The following SLC38A8 variants were observed in gnomAD, a reference collection of about 807,000 sequenced individuals.
The protein encoded by SLC38A8 is solute carrier family 38 member 8.
SLC38A8 carries 65 observed loss-of-function variants against 46.0 expected under a neutral mutation model. The observed-to-expected ratio is 1.41, with a 90% CI of 1.16 to 1.74. The LOEUF (loss-of-function observed/expected upper bound fraction) is 1.74. SLC38A8 is among the 40% of genes most tolerant of loss of function. The pLI is 0.00. For synonymous variants in SLC38A8, 447 were observed against 243.7 expected, an observed-to-expected ratio of 1.83 and a Z score of -7.77; for missense variants, 998 against 567.9, an observed-to-expected ratio of 1.76 and a Z score of -7.70.
intron 2 of SLC38A8, among the ~76,000 whole-genome samples, chr16:84,039,073 G>A (rs11640130): frequency 0.3 from 45,365 of 151,954 alleles, 7,281 homozygotes; most frequent in African/African-American, 0.42. Flanking sequence ...AACCCATTGA[G>A]GTATGTCCTT....
intron 7 of SLC38A8, among the ~76,000 whole-genome samples, chr16:84,019,669 T>C (rs2085072931): frequency 6.6e-6 from 1 of 152,208 alleles, no homozygotes; most frequent in Admixed American, 6.5e-5. Context: ...AAAGTCTTCA[T>C]TCGCTCCAGC....
In SLC38A8 at chr16:84,039,471, A is replaced by G. The variant is rs534669564; in HGVS notation, c.189+2498T>C. On this transcript the variant is annotated intron_variant, in intron 2 of 10. Coordinates refer to ENST00000299709, the MANE Select transcript of SLC38A8 (RefSeq NM_001080442.3). ...TGGTTGAAAGGCAGGGGGGCCGGGTACGGTGGCTCATGGCTGTAATCCCAG... is the reference window on the plus strand; with the variant it reads ...TGGTTGAAAGGCAGGGGGGCCGGGTGCGGTGGCTCATGGCTGTAATCCCAG... Among the ~76,000 whole-genome samples, 9 of 152,234 alleles carry G rather than the reference A, an allele frequency of 5.9e-5. No individual in the cohort carries two copies. In the South Asian group the frequency reaches 1.9e-3, roughly 32 times the overall value.
In SLC38A8 at chr16:84,029,536, G is replaced by A. The variant is rs765870079; in HGVS notation, c.648C>T (p.Thr216=). Residue 216 remains threonine, a synonymous_variant, in exon 6 of 11, where the codon ACC becomes ACT. Coordinates refer to ENST00000299709, the MANE Select transcript of SLC38A8 (RefSeq NM_001080442.3). ...TGGTGGGGAAGACACTGAACACAGA[G>A]GTCCAGGAGGCAGGGCTGTAAACAG... The part of the protein sequence containing the change: ...SHPSLSPASW[T]SVFSVFPTIC... 1.1e-5 allele frequency: 17 copies of A among 1,614,016 alleles called. No individual in the cohort carries two copies. Among genetic ancestry groups the A allele is most frequent in the African/African-American group, 9.3e-5 (7 of 74,934 alleles).
rs1357212332 is a variant in SLC38A8, at chr16:84,037,013, G to A, written c.190-113C>T. The A allele has an allele frequency of 4.5e-6, 5 of 1,104,484 alleles. No homozygotes were observed. In the African/African-American group the frequency reaches 4.7e-5, roughly 10 times the overall value. 68.4% of individuals were successfully genotyped at this position (1,104,484 alleles called of 1,614,324 possible). A position where few individuals can be genotyped will look rare whatever the true frequency, so the allele number is the denominator to read the frequency against. On this transcript the variant is annotated intron_variant, in intron 2 of 10. Coordinates refer to ENST00000299709, the MANE Select transcript of SLC38A8 (RefSeq NM_001080442.3). ...TGGCTTCTCATCCACAGAGGCCAGG[G>A]CTGCTGCCAACATGGGGTTGGCAGT...
At position 84,013,117 on chromosome 16, in the gene SLC38A8, G is replaced by C. The variant is rs888964877; in HGVS notation, c.1163-65C>G. On this transcript the variant is annotated intron_variant, in intron 9 of 10. Transcript: ENST00000299709. ...AAACCCAAAGCAACAAAAAGGTCCC[G>C]GGAGAGGTCCTCAGGGACCCAGGAG... The C allele has an allele frequency of 2.3e-5, 36 of 1,594,734 alleles. No individual in the cohort carries two copies. In the South Asian group the frequency reaches 4.0e-4, roughly 18 times the overall value.
intron 7 of SLC38A8, among the ~76,000 whole-genome samples, chr16:84,018,174 G>A (rs1007300904): frequency 6.6e-6 from 1 of 151,460 alleles, no homozygotes; most frequent in South Asian, 2.1e-4. Flanking sequence ...CTTCAGAGGT[G>A]GCATAGGGCA....
intron 5 of SLC38A8, among the ~76,000 whole-genome samples, chr16:84,030,810 G>A (rs1050018164): frequency 6.6e-6 from 1 of 152,084 alleles, no homozygotes; most frequent in African/African-American, 2.4e-5. Flanking sequence ...ACATCAGAAG[G>A]GTACACTGAG....
intron 9 of SLC38A8, among the ~76,000 whole-genome samples, chr16:84,015,094 G>T (rs759384186): frequency 1.3e-5 from 2 of 152,126 alleles, no homozygotes; most frequent in Non-Finnish European, 2.9e-5. Flanking sequence ...CCCCAAGCTC[G>T]ATGTCTGTTT....
intron 10 of SLC38A8, among the ~76,000 whole-genome samples, chr16:84,010,183 G>A (rs377280346): frequency 2.7e-5 from 4 of 147,482 alleles, no homozygotes; most frequent in African/African-American, 7.6e-5. Flanking sequence ...CAATTCTCCT[G>A]CCTCAGCCTC....
Position 84,022,555 on chromosome 16 carries a change from G to T in SLC38A8, c.805+220C>A, listed in dbSNP as rs573265172. The stretch of plus-strand genomic sequence containing the variant: ...TTCAGGTCTCAGCTTTGCAGATCTA[G>T]CTGTGAAACCTCGAACAAGTTCTGG... On this transcript the variant is annotated intron_variant, in intron 7 of 10. Coordinates refer to ENST00000299709, the MANE Select transcript of SLC38A8 (RefSeq NM_001080442.3). Among the ~76,000 whole-genome samples the T allele has an allele frequency of 6.6e-4, 100 of 152,310 alleles. 1 individual carries two copies. Among genetic ancestry groups the T allele is most frequent in the African/African-American group, 2.4e-3 (98 of 41,572 alleles).
Position 84,016,621 on chromosome 16 carries a change from A to C in SLC38A8, c.1060T>G (p.Trp354Gly). 1 of 1,613,968 alleles carries C rather than the reference A, an allele frequency of 6.2e-7. No homozygotes were observed. Among genetic ancestry groups the C allele is most frequent in the Non-Finnish European group, 8.5e-7 (1 of 1,180,036 alleles). The change falls in exon 9 of 11, where the codon TGG becomes GGG. Residue 354 changes from tryptophan to glycine, a missense_variant. Transcript: ENST00000299709. Reference sequence around the variant, plus strand: ...GCCATGGCGAGCGTCACGGTGACCCACAGGATGGTCAGCGGCATCCGGACC... The same window carrying C: ...GCCATGGCGAGCGTCACGGTGACCCCCAGGATGGTCAGCGGCATCCGGACC... The part of the protein sequence containing the change: ...LWVRMPLTIL[W>G]VTVTLAMALF...
At chr16:84,022,717 A>C in intron 7 of SLC38A8, 58 bp downstream of exon 7, 1 of 1,273,980 alleles carries the variant, frequency 7.8e-7, no homozygotes, top group East Asian at 2.3e-5. Flanking sequence ...ACTCGCTGTT[A>C]CTCTTGTTTC....
At chr16:84,011,102 A>G (rs1374899259) in intron 10 of SLC38A8, among the ~76,000 whole-genome samples, 2 of 152,250 alleles carry the variant, frequency 1.3e-5, no homozygotes, top group Non-Finnish European at 2.9e-5. Flanking sequence ...TTTCTAACCG[A>G]GCAGCATCTC....
At chr16:84,042,298 C>G (rs984898259) in intron 1 of SLC38A8, 139 bp from the exon 2 acceptor site, 2 of 890,440 alleles carry the variant, frequency 2.2e-6, no homozygotes, top group Non-Finnish European at 1.7e-6. Context: ...TCAGCTCCCC[C>G]TTTCCAAAGG....
intron 9 of SLC38A8, among the ~76,000 whole-genome samples, chr16:84,015,423 G>C (rs1331625021): frequency 6.6e-6 from 1 of 152,096 alleles, no homozygotes; most frequent in East Asian, 1.9e-4. Flanking sequence ...AGGGAAGGGA[G>C]ACATTTGCAG....
chr16:84,023,230 T>C (rs2085116504), intron 6 of SLC38A8, among the ~76,000 whole-genome samples: 1 of 151,502 alleles, frequency 6.6e-6, no homozygotes, highest in African/African-American at 2.4e-5. Flanking sequence ...CCACCTTATC[T>C]AAAAAAAAGT....
chr16:84,031,782 A>C (rs1426935376), intron 5 of SLC38A8, 85 bp downstream of exon 5: 1 of 1,152,094 alleles, frequency 8.7e-7, no homozygotes, highest in African/African-American at 1.5e-5. Context: ...GAGCCACGAG[A>C]GGCTCCTCCT....
chr16:84,017,368 T>C lies in SLC38A8; in HGVS notation c.806-81A>G, dbSNP rs542208651. ...CCCCCACCAACAGACAGACAGCGCC[T>C]GGCTTTACCACCTAAGATTTTCCTT... On this transcript the variant is annotated intron_variant, in intron 7 of 10. Transcript: ENST00000299709. 7.2e-6 allele frequency: 11 copies of C among 1,519,296 alleles called. No individual in the cohort carries two copies. In the African/African-American group the frequency reaches 1.2e-4, roughly 17 times the overall value. The allele number at this position is 1,519,296 out of a possible 1,614,324, so 94.1% of individuals were successfully genotyped here.
rs192925749 is a variant in SLC38A8, at chr16:84,037,109, C to A, written c.190-209G>T. Among the ~76,000 whole-genome samples, 155 of 152,352 alleles carry A rather than the reference C, an allele frequency of 1.0e-3. 1 individual carries two copies. Among genetic ancestry groups the A allele is most frequent in the African/African-American group, 3.4e-3 (142 of 41,578 alleles). ...CCTGAAATCAGAGCTGCAGTGCAGG[C>A]TGATTCTGGCAGGCTCACTGGCTCT... On this transcript the variant is annotated intron_variant, in intron 2 of 10. Coordinates refer to ENST00000299709, the MANE Select transcript of SLC38A8 (RefSeq NM_001080442.3).
Sources: allele counts gnomAD v4.1 joint callset (sites outside exome capture counted in the v4.1 genomes callset), GRCh38; gene constraint gnomAD v4.1.1; transcripts MANE v1.5; gene names NCBI Gene and HGNC (gene_info 2026-07-23, HGNC 2026-07-21).